The following PCDH15 variants were observed in gnomAD, a reference collection of about 807,000 sequenced individuals.
The protein encoded by PCDH15 is protocadherin-15.
Under a neutral mutation model 178.5 loss-of-function variants are expected in PCDH15, and 129 were observed. The observed-to-expected ratio is 0.72, with a 90% confidence interval of 0.63 to 0.84. The LOEUF (loss-of-function observed/expected upper bound fraction) is 0.84. Ranked by LOEUF, PCDH15 falls within the 40% of genes least tolerant of loss-of-function variation. PCDH15 has a pLI of 0.00. For missense variants in PCDH15, 2,230 were observed against 2,099.9 expected, an observed-to-expected ratio of 1.06 and a Z score of -1.21; for synonymous variants, 800 against 732.0, an observed-to-expected ratio of 1.09 and a Z score of -1.50.
intron 2 of PCDH15, among the ~76,000 whole-genome samples, chr10:55,479,147 C>T: frequency 6.6e-6 from 1 of 151,304 alleles, no homozygotes; most frequent in Admixed American, 6.6e-5. Flanking sequence ...TATATGAGGT[C>T]AGCATTACTC....
At chr10:54,054,694 G>T (rs2093847562) in intron 18 of PCDH15, among the ~76,000 whole-genome samples, 1 of 152,060 alleles carries the variant, frequency 6.6e-6, no homozygotes, top group South Asian at 2.1e-4. Context: ...TTTATGAGCT[G>T]CTAATTGAAT....
At chr10:54,931,325 A>G (rs1378427788) in intron 2 of PCDH15, among the ~76,000 whole-genome samples, 1 of 152,214 alleles carries the variant, frequency 6.6e-6, no homozygotes, top group Non-Finnish European at 1.5e-5. Flanking sequence ...CGTTTGAAAC[A>G]TCTACTAAAA....
At chr10:54,510,925 A>G (rs994927366) in intron 3 of PCDH15, among the ~76,000 whole-genome samples, 3 of 152,190 alleles carry the variant, frequency 2.0e-5, no homozygotes, top group Non-Finnish European at 2.9e-5. Context: ...GAAGTGTATC[A>G]GAAGTGGAAT....
chr10:53,828,339 A>G lies in PCDH15; in HGVS notation c.4211+226T>C, dbSNP rs2076827144. On this transcript the variant is annotated intron_variant, in intron 31 of 37. Coordinates refer to ENST00000644397, the MANE Select transcript of PCDH15 (RefSeq NM_001384140.1). ...TTCTTCCTCAAAACCAAGATGTTAC[A>G]GGATGGAAGCTATAGGCAAACTATC... Among the ~76,000 whole-genome samples, 3 of 151,932 alleles carry G rather than the reference A, an allele frequency of 2.0e-5. No individual in the cohort carries two copies. The South Asian group carries it at 6.2e-4, about 31-fold the overall frequency.
chr10:54,499,278 G>A (rs1372776187), intron 3 of PCDH15, among the ~76,000 whole-genome samples: 2 of 152,152 alleles, frequency 1.3e-5, no homozygotes, highest in Admixed American at 6.6e-5. Flanking sequence ...TAGAAAACTA[G>A]CAAAGATATT....
intron 3 of PCDH15, among the ~76,000 whole-genome samples, chr10:54,890,279 T>C (rs2131815155): frequency 6.6e-6 from 1 of 152,206 alleles, no homozygotes; most frequent in East Asian, 1.9e-4. Flanking sequence ...GGAAAGCTGA[T>C]ACAACTCTAA....
chr10:53,823,436 T>C, intron 32 of PCDH15: 1 of 1,310,058 alleles, frequency 7.6e-7, no homozygotes, highest in Non-Finnish European at 1.1e-6. Flanking sequence ...TTTTTATGGC[T>C]CTCATTACTA....
At chr10:55,626,017 T>G (rs1837518847) in intron 2 of PCDH15, among the ~76,000 whole-genome samples, 1 of 152,134 alleles carries the variant, frequency 6.6e-6, no homozygotes, top group Non-Finnish European at 1.5e-5. Flanking sequence ...GATTAATTTA[T>G]TTTAATTCAG....
chr10:54,263,968 C>T (rs182628559), intron 8 of PCDH15, among the ~76,000 whole-genome samples: 2 of 152,056 alleles, frequency 1.3e-5, no homozygotes, highest in African/African-American at 4.8e-5. Context: ...AGTCTCCTGG[C>T]TTTCATCTTT....
At chr10:54,426,302 G>C (rs568785966) in intron 3 of PCDH15, among the ~76,000 whole-genome samples, 5 of 152,254 alleles carry the variant, frequency 3.3e-5, no homozygotes, top group Admixed American at 1.3e-4. Context: ...GGACAGGGTT[G>C]GGGGGAAGGT....
intron 26 of PCDH15, among the ~76,000 whole-genome samples, chr10:53,886,595 CTTTTTTTT>C (rs36171553): frequency 6.9e-5 from 5 of 72,786 alleles, no homozygotes; most frequent in Non-Finnish European, 9.7e-5. Context: ...ATGTATGCCT[CTTTTTTTT>C]TTTTTTTTTT....
intron 3 of PCDH15, among the ~76,000 whole-genome samples, chr10:54,893,740 A>G (rs1336331668): frequency 6.6e-6 from 1 of 152,162 alleles, no homozygotes; most frequent in Non-Finnish European, 1.5e-5. Context: ...ATAAAATATA[A>G]TAATTCATAC....
intron 8 of PCDH15, among the ~76,000 whole-genome samples, chr10:54,303,505 G>A (rs1486487639): frequency 6.6e-6 from 1 of 151,646 alleles, no homozygotes; most frequent in African/African-American, 2.4e-5. Flanking sequence ...TATATAATAG[G>A]GACAATAATT....
At chr10:55,177,238 T>C (rs1014163136) in intron 1 of PCDH15, among the ~76,000 whole-genome samples, 2 of 152,170 alleles carry the variant, frequency 1.3e-5, no homozygotes, top group Admixed American at 1.3e-4. Context: ...AGATTATGGA[T>C]ACCTGGGTAT....
chr10:53,973,164 C>A (rs977414202), intron 21 of PCDH15, among the ~76,000 whole-genome samples: 5 of 151,870 alleles, frequency 3.3e-5, no homozygotes, highest in Non-Finnish European at 7.4e-5. Flanking sequence ...AGCTGGAAAC[C>A]ATCATTCTGA....
At chr10:55,129,014 T>G (rs950846084) in intron 2 of PCDH15, among the ~76,000 whole-genome samples, 9 of 152,102 alleles carry the variant, frequency 5.9e-5, no homozygotes, top group Non-Finnish European at 1.5e-5. Context: ...CGTTGCCTGA[T>G]GTCCCATGGG....
intron 2 of PCDH15, among the ~76,000 whole-genome samples, chr10:55,400,038 A>G (rs2132023652): frequency 6.6e-6 from 1 of 152,234 alleles, no homozygotes; most frequent in Middle Eastern, 3.4e-3. Context: ...TTTGGGTATA[A>G]TTTATTAACA....
intron 2 of PCDH15, among the ~76,000 whole-genome samples, chr10:55,564,640 A>T (rs117024324): frequency 3.6e-3 from 552 of 151,804 alleles, no homozygotes; most frequent in Non-Finnish European, 6.0e-3. Flanking sequence ...GAATACACAA[A>T]CAGATTGAAA....
In PCDH15 at chr10:54,073,910, C is replaced by G. The variant is rs560693326; in HGVS notation, c.2091+5421G>C. ...GCCCTACTTCCTAGCTATTTTTCTA[C>G]CCACTGTTGCTACTTACAGATAAGA... On this transcript the variant is annotated intron_variant, in intron 17 of 37. Transcript: ENST00000644397. Among the ~76,000 whole-genome samples the G allele has an allele frequency of 2.4e-4, 37 of 152,294 alleles. 1 individual carries two copies. The South Asian group carries it at 7.7e-3, about 32-fold the overall frequency.
Sources: gnomAD v4.1 joint callset for allele counts (sites outside exome capture counted in the v4.1 genomes callset) on GRCh38, gnomAD v4.1.1 for gene constraint, MANE v1.5 for transcripts, NCBI Gene and HGNC (gene_info 2026-07-23, HGNC 2026-07-21) for gene names.